PIWIL1: variants seen among roughly 807,000 people sequenced by gnomAD.
The protein encoded by PIWIL1 is piwi like RNA-mediated gene silencing 1.
A neutral mutation model predicts 114.4 loss-of-function variants in PIWIL1; 73 were observed. That is an observed-to-expected ratio of 0.64 (90% CI 0.53 to 0.78). The LOEUF (loss-of-function observed/expected upper bound fraction) is 0.78. Among genes scored for constraint, PIWIL1 ranks in the 30% least tolerant of loss-of-function variants. PIWIL1 has a pLI of 0.00. For synonymous variants in PIWIL1, 375 were observed against 369.0 expected (o/e 1.02, Z -0.19); for missense variants, 723 against 1,063.1 (o/e 0.68, Z 4.45).
the PIWIL1 span, among the ~76,000 whole-genome samples, chr12:130,418,228 C>A: frequency 6.6e-6 from 1 of 152,234 alleles, no homozygotes; most frequent in South Asian, 2.1e-4. Context: ...AATGCCTAAT[C>A]TAAAATGTCA....
At chr12:130,351,965 G>C (rs1025163289) in intron 9 of PIWIL1, among the ~76,000 whole-genome samples, 1 of 152,080 alleles carries the variant, frequency 6.6e-6, no homozygotes, top group East Asian at 1.9e-4. Flanking sequence ...GACCCTGCTT[G>C]CTGCTTTATT....
chr12:130,364,800 G>A lies in PIWIL1; in HGVS notation c.2195+1656G>A, dbSNP rs191714265. ...TTCTTTCCTACTCTTTTTTTCCTGC[G>A]ATTTACTACTTGAGCACACAGTGTT... On this transcript the variant is annotated intron_variant, in intron 18 of 20. Transcript: ENST00000245255. 3.3e-5 allele frequency among the ~76,000 whole-genome samples: 5 copies of A among 152,094 alleles called. No homozygotes were observed. The East Asian group carries it at 7.7e-4, about 24-fold the overall frequency.
chr12:130,420,541 G>A, the PIWIL1 span, among the ~76,000 whole-genome samples: 7 of 152,170 alleles, frequency 4.6e-5, no homozygotes, highest in East Asian at 9.7e-4. This position sits in a 1 kb window ranked among gnomAD's most constrained non-coding sequence, Gnocchi z 4.3. Flanking sequence ...ATTTGGGAAG[G>A]GTTTTTATGA....
Position 130,367,198 on chromosome 12 carries a change from G to A in PIWIL1, c.2261G>A (p.Gly754Glu), listed in dbSNP as rs1423001508. Residue 754 changes from glycine to glutamate, a missense_variant, in exon 19 of 21, where the codon GGA (glycine) becomes GAA (glutamate). By Grantham distance (98) the Gly-to-Glu change is moderately conservative. This residue lies in a region of PIWIL1 where 106 missense variants were observed against 182.8 expected (regional missense o/e 0.58). Transcript: ENST00000245255. ...ACCAGATTTTTTGCTCAGTCTGGAG[G>A]AAGACTTCAGAATCCACTTCCTGGA... ...VNTRFFAQSG[G>E]RLQNPLPGTV... 4 of 1,614,020 alleles carry A rather than the reference G, an allele frequency of 2.5e-6. No individual in the cohort carries two copies. In the Admixed American group the frequency reaches 5.0e-5, roughly 20 times the overall value.
At chr12:130,414,069 T>C in the PIWIL1 span, 4 of 1,572,478 alleles carry the variant, frequency 2.5e-6, no homozygotes, top group Non-Finnish European at 3.5e-6. Context: ...TCTGCCCCCA[T>C]GACCCAGACC....
chr12:130,392,539 C>T, the PIWIL1 span, among the ~76,000 whole-genome samples: 3 of 128,348 alleles, frequency 2.3e-5, no homozygotes, highest in Admixed American at 7.5e-5. Flanking sequence ...TGTGATGACC[C>T]AGTCACCATC....
chr12:130,388,486 T>C, the PIWIL1 span, among the ~76,000 whole-genome samples: 1 of 152,260 alleles, frequency 6.6e-6, no homozygotes, highest in Non-Finnish European at 1.5e-5. Flanking sequence ...ATTTGTAACA[T>C]TCATGAAAAG....
chr12:130,422,686 G>A, the PIWIL1 span: 2 of 679,092 alleles, frequency 2.9e-6, no homozygotes, highest in Non-Finnish European at 5.1e-6. The surrounding 1 kb of genome is among the most constrained non-coding windows in gnomAD (Gnocchi z 5.2). Flanking sequence ...GCTTTTAACT[G>A]AAAGGTTAGC....
the PIWIL1 span, among the ~76,000 whole-genome samples, chr12:130,408,407 A>G: frequency 6.6e-6 from 1 of 152,088 alleles, no homozygotes; most frequent in African/African-American, 2.4e-5. Context: ...GCATCCTTCC[A>G]TTGTGGTTTA....
chr12:130,406,255 A>C, the PIWIL1 span: 3 of 1,578,184 alleles, frequency 1.9e-6, no homozygotes, highest in East Asian at 6.7e-5. Context: ...TGTGGAGATG[A>C]AACATAAAAT....
chr12:130,393,158 C>A, the PIWIL1 span, among the ~76,000 whole-genome samples: 1 of 109,290 alleles, frequency 9.1e-6, no homozygotes, highest in Non-Finnish European at 2.0e-5. Context: ...ACCATCATCA[C>A]GTGTGTCCGT....
At chr12:130,386,231 G>A in the PIWIL1 span, among the ~76,000 whole-genome samples, 1 of 152,104 alleles carries the variant, frequency 6.6e-6, no homozygotes. Context: ...AATTGGAGCT[G>A]TCATAATCCT....
the PIWIL1 span, chr12:130,406,347 G>T: frequency 1.4e-6 from 1 of 709,112 alleles, no homozygotes; most frequent in Non-Finnish European, 2.4e-6. Context: ...AGAATTTCTG[G>T]TATTAATCTA....
intron 1 of PIWIL1, chr12:130,342,275 C>G: frequency 2.9e-6 from 1 of 345,668 alleles, no homozygotes; most frequent in South Asian, 3.9e-5. Context: ...CATCCTAATT[C>G]TTTCAGCACT....
At chr12:130,344,950 G>C (rs1409144904) in intron 3 of PIWIL1, among the ~76,000 whole-genome samples, 1 of 152,204 alleles carries the variant, frequency 6.6e-6, no homozygotes, top group Non-Finnish European at 1.5e-5. Context: ...TGAGGGGTTA[G>C]TTATTGGATA....
At chr12:130,339,514 C>T (rs1415438952) in intron 1 of PIWIL1, 2 of 151,728 alleles carry the variant, frequency 1.3e-5, no homozygotes, top group East Asian at 1.9e-4. Flanking sequence ...GTGGAAGCGT[C>T]TTTGGCAGAG....
At chr12:130,367,788 G>A (rs914247508) in intron 19 of PIWIL1, among the ~76,000 whole-genome samples, 2 of 152,184 alleles carry the variant, frequency 1.3e-5, no homozygotes, top group Non-Finnish European at 2.9e-5. Context: ...AGGATTCCGT[G>A]AGAAAGTCAG....
At chr12:130,403,104 G>A in the PIWIL1 span, among the ~76,000 whole-genome samples, 6,909 of 152,238 alleles carry the variant, frequency 0.045, 223 homozygotes, top group Middle Eastern at 0.086. Flanking sequence ...TATTAGGACC[G>A]GTGGAGTATT....
chr12:130,340,665 G>C, intron 1 of PIWIL1, among the ~76,000 whole-genome samples: 1 of 147,538 alleles, frequency 6.8e-6, no homozygotes, highest in Non-Finnish European at 1.5e-5. Flanking sequence ...GGGGGTTGGT[G>C]GTGGTGGTGG....
Sources: gnomAD v4.1 joint callset for allele counts (sites outside exome capture counted in the v4.1 genomes callset) on GRCh38, gnomAD v4.1.1 for gene constraint, gnomAD v4.1.1 regional missense constraint, Gnocchi (gnomAD v3.1) non-coding constraint, MANE v1.5 for transcripts, NCBI Gene and HGNC (gene_info 2026-07-23, HGNC 2026-07-21) for gene names.